Variants in ZNF487 observed in about 807,000 individuals in gnomAD.
The protein encoded by ZNF487 is KRAB domain only 1.
A neutral mutation model predicts 3.0 loss-of-function variants in ZNF487; 4 were observed. That is an observed-to-expected ratio of 1.35 (90% confidence interval 0.66 to 3.08). The LOEUF (loss-of-function observed/expected upper bound fraction) is 3.08, where lower values mean the gene tolerates loss of function less well. Among genes scored for constraint, ZNF487 ranks in the 30% most tolerant of loss-of-function variants. The probability of loss-of-function intolerance (pLI) is 0.01; values close to 1 mark genes in which losing one functional copy is unlikely to be tolerated. For synonymous variants in ZNF487, 55 were observed against 34.6 expected (o/e 1.59, Z -2.06); for missense variants, 146 against 98.7 (o/e 1.48, Z -2.03).
At chr10:43,467,598 C>T (rs1840753688) in intron 1 of ZNF487, among the ~76,000 whole-genome samples, 1 of 152,050 alleles carries the variant, frequency 6.6e-6, no homozygotes, top group South Asian at 2.1e-4. Context: ...TGGTGGATCA[C>T]CTCAGGTCAG....
the ZNF487 span, chr10:43,523,488 T>C: frequency 6.6e-6 from 1 of 152,254 alleles, no homozygotes; most frequent in African/African-American, 2.4e-5. Flanking sequence ...GGAAGGAAGC[T>C]TGATGAGCTC....
the ZNF487 span, among the ~76,000 whole-genome samples, chr10:43,522,182 T>C: frequency 6.6e-6 from 1 of 152,132 alleles, no homozygotes; most frequent in African/African-American, 2.4e-5. Flanking sequence ...ACATGGAAAA[T>C]TATTGCTGTC....
chr10:43,475,541 C>T (rs1841065241), intron 1 of ZNF487, among the ~76,000 whole-genome samples, 180 bp from the exon 2 acceptor site: 1 of 151,986 alleles, frequency 6.6e-6, no homozygotes, highest in Admixed American at 6.6e-5. Context: ...AATATACCGG[C>T]AGAGTCCTCA....
the ZNF487 span, among the ~76,000 whole-genome samples, chr10:43,490,120 C>G: frequency 1.3e-5 from 2 of 152,126 alleles, no homozygotes; most frequent in Admixed American, 6.5e-5. Flanking sequence ...AGGCCGAAGG[C>G]GGGTGGATCG....
At chr10:43,440,308 C>G (rs1396115347) in intron 1 of ZNF487, among the ~76,000 whole-genome samples, 3 of 151,678 alleles carry the variant, frequency 2.0e-5, no homozygotes, top group Non-Finnish European at 4.4e-5. Context: ...CCTCGGCCTC[C>G]CAAAGTGCTG....
At chr10:43,522,017 T>C in the ZNF487 span, among the ~76,000 whole-genome samples, 1 of 152,150 alleles carries the variant, frequency 6.6e-6, no homozygotes, top group Non-Finnish European at 1.5e-5. Context: ...TAATGACAAC[T>C]GTGGTAAAAG....
chr10:43,522,505 G>GA, the ZNF487 span, among the ~76,000 whole-genome samples: 1 of 152,156 alleles, frequency 6.6e-6, no homozygotes, highest in Non-Finnish European at 1.5e-5. Context: ...AGGCTGAGGT[G>GA]GTAGGTTTAC....
chr10:43,511,636 C>T, the ZNF487 span, among the ~76,000 whole-genome samples: 2 of 152,328 alleles, frequency 1.3e-5, no homozygotes, highest in Middle Eastern at 3.4e-3. Flanking sequence ...TGACCATAGC[C>T]AGGTCAGCCT....
chr10:43,480,728 C>CT (rs113421488), intron 3 of ZNF487, among the ~76,000 whole-genome samples: 1,499 of 145,434 alleles, frequency 0.01, 18 homozygotes, highest in African/African-American at 0.032. Flanking sequence ...CTCTCTCTCT[C>CT]TTTTTTTTTT....
chr10:43,471,956 A>G (rs775272167), intron 1 of ZNF487, among the ~76,000 whole-genome samples: 1 of 152,232 alleles, frequency 6.6e-6, no homozygotes, highest in Non-Finnish European at 1.5e-5. Flanking sequence ...AAAGAGGAAG[A>G]TAAGTCCTCA....
chr10:43,451,290 G>C (rs1230730208), intron 1 of ZNF487, among the ~76,000 whole-genome samples: 4 of 151,788 alleles, frequency 2.6e-5, no homozygotes, highest in Non-Finnish European at 5.9e-5. Flanking sequence ...TTGTTGCCCA[G>C]TCTGGAGTGC....
the ZNF487 span, among the ~76,000 whole-genome samples, chr10:43,501,105 C>T: frequency 1.3e-5 from 2 of 152,102 alleles, no homozygotes; most frequent in Admixed American, 1.3e-4. Context: ...GGCTATAAAC[C>T]TGTACAGCAT....
At chr10:43,459,646 C>T (rs1589034473) in intron 1 of ZNF487, among the ~76,000 whole-genome samples, 1 of 152,074 alleles carries the variant, frequency 6.6e-6, no homozygotes, top group South Asian at 2.1e-4. Flanking sequence ...TCACAGCTCA[C>T]TGCAGGTAAC....
At chr10:43,493,709 A>AAAAAAAAAATATATAT in the ZNF487 span, among the ~76,000 whole-genome samples, 3 of 43,714 alleles carry the variant, frequency 6.9e-5, no homozygotes, top group Non-Finnish European at 8.0e-5. Flanking sequence ...AAAAAAAAAA[A>AAAAAAAAAATATATAT]ATATATATAT....
At chr10:43,443,406 C>T (rs1351809721) in intron 1 of ZNF487, among the ~76,000 whole-genome samples, 3 of 142,962 alleles carry the variant, frequency 2.1e-5, no homozygotes, top group African/African-American at 5.2e-5. Flanking sequence ...TGGAGTCTTG[C>T]TCTGTCACCC....
the ZNF487 span, among the ~76,000 whole-genome samples, chr10:43,513,336 T>C: frequency 6.6e-6 from 1 of 152,230 alleles, no homozygotes; most frequent in Admixed American, 6.5e-5. Context: ...AATGGCTGCA[T>C]ACCACCTACC....
In ZNF487 at chr10:43,472,702, A is replaced by G. The variant is rs74137735; in HGVS notation, c.-93-3019A>G. Among the ~76,000 whole-genome samples the G allele has an allele frequency of 6.1e-3, 928 of 152,204 alleles. 9 individuals carry two copies. The highest frequency in any genetic ancestry group is 0.018 in the African/African-American group (736 of 41,534). ...CTTCCTTCTCAGCCTCTTGATCACT[A>G]TGCTCCAGCTCGACTTGCCTTCTTG... is the stretch of plus-strand genomic sequence containing the variant. On this transcript the variant is annotated intron_variant, in intron 1 of 3. Coordinates refer to ENST00000437590, the MANE Select transcript of ZNF487 (RefSeq NM_001355444.3).
chr10:43,448,754 T>C (rs1274674042), intron 1 of ZNF487, among the ~76,000 whole-genome samples: 2 of 151,456 alleles, frequency 1.3e-5, no homozygotes, highest in Non-Finnish European at 2.9e-5. Flanking sequence ...GAGATGGAGG[T>C]TGCAGTGAGC....
chr10:43,446,107 C>T (rs1308406528), intron 1 of ZNF487, among the ~76,000 whole-genome samples: 2 of 152,254 alleles, frequency 1.3e-5, no homozygotes, highest in Non-Finnish European at 2.9e-5. Context: ...ACAATCTGAT[C>T]TCTCTTTCTT....
Sources: gnomAD v4.1 joint callset for allele counts (sites outside exome capture counted in the v4.1 genomes callset) on GRCh38, gnomAD v4.1.1 for gene constraint, MANE v1.5 for transcripts, NCBI Gene and HGNC (gene_info 2026-07-23, HGNC 2026-07-21) for gene names.